ACACA: variants seen among roughly 807,000 people sequenced by gnomAD.
ACACA encodes the protein acetyl-CoA carboxylase 1.
In ACACA, 103 loss-of-function variants were observed where a neutral mutation model predicts 296.1. That is an observed-to-expected ratio of 0.35 (90% CI 0.30 to 0.41). ACACA has a LOEUF of 0.41. ACACA is among the 10% of genes least tolerant of loss of function. The pLI, the probability that ACACA is intolerant of heterozygous loss-of-function variation, is 1.00. For synonymous variants in ACACA, 953 were observed against 1,038.6 expected, an observed-to-expected ratio of 0.92 and a Z score of 1.58; for missense variants, 1,554 against 2,989.7, an observed-to-expected ratio of 0.52 and a Z score of 11.20.
At chr17:37,370,582 G>A (rs1164478121) in intron 1 of ACACA, among the ~76,000 whole-genome samples, 1 of 151,592 alleles carries the variant, frequency 6.6e-6, no homozygotes, top group Non-Finnish European at 1.5e-5. Flanking sequence ...GCTTGAACCC[G>A]GGAGGTGGAC....
At chr17:37,339,590 G>A (rs2048292289) in intron 2 of ACACA, among the ~76,000 whole-genome samples, 1 of 152,200 alleles carries the variant, frequency 6.6e-6, no homozygotes, top group African/African-American at 2.4e-5. Context: ...TCCACAGCCT[G>A]TCCCATTTCC....
At chr17:37,216,642 A>C (rs2079012698) in intron 29 of ACACA, among the ~76,000 whole-genome samples, 1 of 152,114 alleles carries the variant, frequency 6.6e-6, no homozygotes, top group Non-Finnish European at 1.5e-5. Flanking sequence ...TAAAAGAAAA[A>C]CAAAAATGTA....
At chr17:37,130,365 A>G (rs1397821602) in intron 45 of ACACA, 147 bp from the exon 46 acceptor site, 2 of 966,040 alleles carry the variant, frequency 2.1e-6, no homozygotes, top group Non-Finnish European at 3.1e-6. Context: ...GACTATCTGA[A>G]TCTTCTTCCT....
At chr17:37,239,410 TAGA>T (rs1398623539) in intron 24 of ACACA, among the ~76,000 whole-genome samples, 5 of 152,196 alleles carry the variant, frequency 3.3e-5, no homozygotes, top group Non-Finnish European at 2.9e-5. Context: ...TAAAGCTGAA[TAGA>T]AGTAGTGACA....
chr17:37,222,951 T>A (rs1288195055), intron 28 of ACACA, among the ~76,000 whole-genome samples: 2 of 152,244 alleles, frequency 1.3e-5, no homozygotes, highest in Non-Finnish European at 2.9e-5. Context: ...ATTATCTATG[T>A]GATTTTGGAC....
At chr17:37,180,204 T>TTTATA (rs2077266441) in intron 40 of ACACA, among the ~76,000 whole-genome samples, 1 of 152,128 alleles carries the variant, frequency 6.6e-6, no homozygotes, top group African/African-American at 2.4e-5. Flanking sequence ...TAGAATGTGA[T>TTTATA]TTATATTATA....
chr17:37,294,636 A>G (rs902976254), intron 3 of ACACA, among the ~76,000 whole-genome samples: 4 of 152,180 alleles, frequency 2.6e-5, no homozygotes, highest in Non-Finnish European at 4.4e-5. Flanking sequence ...GACACATGCA[A>G]CTCCATCCCA....
chr17:37,253,043 G>C lies in ACACA; in HGVS notation c.1827-7C>G. ...CAAAGCCACCACCATGTTTCTGGGA[G>C]AACAGAAGCCAATCTGTTTCAGCAA... On this transcript the variant is annotated splice_region_variant and splice_polypyrimidine_tract_variant and intron_variant, in intron 14 of 55. Transcript: ENST00000616317. 1 of 1,614,190 alleles carries C rather than the reference G, an allele frequency of 6.2e-7. No homozygotes were observed. Among genetic ancestry groups the C allele is most frequent in the Non-Finnish European group, 8.5e-7 (1 of 1,180,038 alleles).
At chr17:37,268,741 C>CTATATATATATATA (rs71368449) in intron 10 of ACACA, among the ~76,000 whole-genome samples, 74 of 94,494 alleles carry the variant, frequency 7.8e-4, no homozygotes, top group African/African-American at 2.4e-3. Flanking sequence ...ATCTATCTAT[C>CTATATATATATATA]TATATATATA....
intron 52 of ACACA, among the ~76,000 whole-genome samples, chr17:37,099,087 A>T (rs1304486610): frequency 1.3e-5 from 2 of 152,224 alleles, no homozygotes; most frequent in Non-Finnish European, 2.9e-5. Flanking sequence ...GTCTATTTCA[A>T]GCATGCCTGT....
intron 30 of ACACA, among the ~76,000 whole-genome samples, chr17:37,208,712 G>A (rs1183715273): frequency 6.6e-6 from 1 of 152,170 alleles, no homozygotes; most frequent in Admixed American, 6.5e-5. Flanking sequence ...TACCTTAACA[G>A]TATGTACTGA....
intron 29 of ACACA, among the ~76,000 whole-genome samples, chr17:37,219,702 T>TA (rs1048215046): frequency 6.7e-6 from 1 of 148,320 alleles, no homozygotes; most frequent in South Asian, 2.1e-4. Flanking sequence ...ATTATATATA[T>TA]AAAAAACACA....
At chr17:37,095,031 G>A (rs71382454) in intron 54 of ACACA, among the ~76,000 whole-genome samples, 14 of 152,222 alleles carry the variant, frequency 9.2e-5, no homozygotes, top group Non-Finnish European at 1.6e-4. Flanking sequence ...CGCTCTGTCC[G>A]CTTGGGAGCA....
chr17:37,316,076 G>T (rs1165110962), intron 3 of ACACA, among the ~76,000 whole-genome samples: 2 of 152,204 alleles, frequency 1.3e-5, no homozygotes, highest in South Asian at 4.1e-4. Flanking sequence ...TTTAGGAACT[G>T]TGTGCCAGGA....
chr17:37,404,084 T>C lies in ACACA; in HGVS notation c.38+2178A>G, dbSNP rs116949909. On this transcript the variant is annotated intron_variant, in intron 1 of 55. Transcript: ENST00000616317. ...CACTGTGCCTGGCCCCTGAATGCTA[T>C]GTTTTTAACGACTAGATCTCAGTAT... 1.9e-3 allele frequency among the ~76,000 whole-genome samples: 286 copies of C among 152,316 alleles called. 9 individuals carry two copies. In the East Asian group the frequency reaches 0.045, roughly 24 times the overall value.
At chr17:37,184,901 G>C (rs369448131) in intron 39 of ACACA, among the ~76,000 whole-genome samples, 2 of 148,962 alleles carry the variant, frequency 1.3e-5, no homozygotes, top group African/African-American at 4.9e-5. Flanking sequence ...AAATGAAAAG[G>C]AACATACACA....
In ACACA at chr17:37,257,660, C is replaced by A. The variant is rs760254473; in HGVS notation, c.1826+43G>T. The A allele has an allele frequency of 6.2e-6, 10 of 1,601,436 alleles. No homozygotes were observed. The South Asian group carries it at 1.1e-4, about 18-fold the overall frequency. On this transcript the variant is annotated intron_variant, in intron 14 of 55. Transcript: ENST00000616317. Reference sequence around the variant, plus strand: ...CTCACACCTTCACTTAAGATTAGCACAAATTTATTTTGTAAAATGCAATCA... The same window carrying A: ...CTCACACCTTCACTTAAGATTAGCAAAAATTTATTTTGTAAAATGCAATCA...
In ACACA at chr17:37,342,583, G is replaced by A. The variant is rs114450134; in HGVS notation, c.39-2733C>T. 8.2e-3 allele frequency among the ~76,000 whole-genome samples: 1,233 copies of A among 150,290 alleles called. 12 individuals carry two copies. Among genetic ancestry groups the A allele is most frequent in the African/African-American group, 0.029 (1,172 of 40,912 alleles). On this transcript the variant is annotated intron_variant, in intron 1 of 55. Transcript: ENST00000616317. ...TTTGGAGACTCTTGAAAATTTTTGC[G>A]GAAGGCTCCCAAACTGTGCCTTATG... is the stretch of plus-strand genomic sequence containing the variant.
intron 10 of ACACA, among the ~76,000 whole-genome samples, chr17:37,264,550 G>A (rs2081660648): frequency 6.6e-6 from 1 of 152,114 alleles, no homozygotes; most frequent in African/African-American, 2.4e-5. Context: ...ACTCTGATAA[G>A]CATAGATGTG....
Sources: gnomAD v4.1 joint callset for allele counts (sites outside exome capture counted in the v4.1 genomes callset) on GRCh38, gnomAD v4.1.1 for gene constraint, MANE v1.5 for transcripts, NCBI Gene and HGNC (gene_info 2026-07-23, HGNC 2026-07-21) for gene names.